Variants in GPM6A observed in about 807,000 individuals in gnomAD.
GPM6A encodes glycoprotein M6A, also known as neuronal membrane glycoprotein M6-a.
A neutral mutation model predicts 32.1 loss-of-function variants in GPM6A; 7 were observed. The ratio of observed to expected loss-of-function variants is 0.22; its 90% CI spans 0.12 to 0.41. The LOEUF (loss-of-function observed/expected upper bound fraction) is 0.41, where lower values mean the gene tolerates loss of function less well. GPM6A is among the 10% of genes least tolerant of loss of function. The probability of loss-of-function intolerance (pLI) is 1.00; values close to 1 mark genes in which losing one functional copy is unlikely to be tolerated. For missense variants in GPM6A, 235 were observed against 347.2 expected (o/e 0.68, Z 2.57); for synonymous variants, 130 against 123.4 (o/e 1.05, Z -0.35).
intron 1 of GPM6A, among the ~76,000 whole-genome samples, chr4:175,856,167 A>AAAATCACTGGGTAAAAAACTAAGAC (rs2111411120): frequency 6.6e-6 from 1 of 152,376 alleles, no homozygotes; most frequent in Non-Finnish European, 1.5e-5. Context: ...AAAACTAAGA[A>AAAATCACTGGGTAAAAAACTAAGAC]AAATCACTGG....
At chr4:175,696,884 A>T (rs1454958873) in intron 2 of GPM6A, among the ~76,000 whole-genome samples, 2 of 152,122 alleles carry the variant, frequency 1.3e-5, no homozygotes, top group Non-Finnish European at 2.9e-5. Context: ...TAGAGATATA[A>T]ACCCACCCGA....
At chr4:175,691,727 T>C (rs1009561064) in intron 2 of GPM6A, among the ~76,000 whole-genome samples, 2 of 152,212 alleles carry the variant, frequency 1.3e-5, no homozygotes, top group Non-Finnish European at 2.9e-5. Flanking sequence ...CCATAACCTG[T>C]AAATATGTCA....
At chr4:175,695,693 G>A (rs183402933) in intron 2 of GPM6A, among the ~76,000 whole-genome samples, 143 of 152,254 alleles carry the variant, frequency 9.4e-4, no homozygotes, top group Non-Finnish European at 1.5e-3. Flanking sequence ...TGAGACTTTG[G>A]ACTTTGGATT....
intron 1 of GPM6A, among the ~76,000 whole-genome samples, chr4:175,714,524 T>C (rs1275875331): frequency 2.6e-5 from 4 of 152,068 alleles, no homozygotes; most frequent in South Asian, 2.1e-4. Context: ...GTTGGGATTA[T>C]AGGGGAGAGC....
chr4:175,643,122 C>T (rs1487407338), intron 4 of GPM6A, among the ~76,000 whole-genome samples: 1 of 152,102 alleles, frequency 6.6e-6, no homozygotes, highest in East Asian at 1.9e-4. Flanking sequence ...ACCTCCCTTG[C>T]CATCTCCTCA....
chr4:175,771,358 G>A (rs1733180867), intron 1 of GPM6A, among the ~76,000 whole-genome samples: 1 of 152,006 alleles, frequency 6.6e-6, no homozygotes, highest in Admixed American at 6.6e-5. Context: ...GGGATCATGA[G>A]GTCAAGAGAT....
intron 1 of GPM6A, among the ~76,000 whole-genome samples, chr4:175,989,261 T>C (rs192517705): frequency 6.6e-6 from 1 of 152,314 alleles, no homozygotes; most frequent in Admixed American, 6.5e-5. Flanking sequence ...AATCAGTCCT[T>C]GATGTAAAAG....
At chr4:175,872,971 T>C (rs1012712931) in intron 1 of GPM6A, among the ~76,000 whole-genome samples, 1 of 152,158 alleles carries the variant, frequency 6.6e-6, no homozygotes, top group African/African-American at 2.4e-5. Flanking sequence ...AATTGTTCAC[T>C]GGGCAAGTAG....
chr4:175,984,365 G>A (rs753892033), intron 1 of GPM6A, among the ~76,000 whole-genome samples: 50 of 151,862 alleles, frequency 3.3e-4, no homozygotes, highest in Non-Finnish European at 5.6e-4. Context: ...AGGTTTCACC[G>A]TGTCAGCCAG....
intron 1 of GPM6A, among the ~76,000 whole-genome samples, chr4:175,932,562 A>AAAGGC (rs1739087109): frequency 6.6e-6 from 1 of 152,244 alleles, no homozygotes; most frequent in Non-Finnish European, 1.5e-5. Context: ...ACAATATCTT[A>AAAGGC]AAGGCATTTT....
At chr4:175,933,646 C>A (rs1319505552) in intron 1 of GPM6A, among the ~76,000 whole-genome samples, 1 of 152,130 alleles carries the variant, frequency 6.6e-6, no homozygotes, top group Admixed American at 6.5e-5. Flanking sequence ...GAGTTCATGC[C>A]ATTCTTCTGC....
At chr4:175,873,561 T>G (rs1736983137) in intron 1 of GPM6A, among the ~76,000 whole-genome samples, 1 of 152,150 alleles carries the variant, frequency 6.6e-6, no homozygotes, top group Non-Finnish European at 1.5e-5. Flanking sequence ...ATCAAAGATT[T>G]AAAAGACTGG....
intron 1 of GPM6A, among the ~76,000 whole-genome samples, chr4:175,705,287 CAT>C (rs1745111457): frequency 6.6e-6 from 1 of 152,156 alleles, no homozygotes; most frequent in South Asian, 2.1e-4. Context: ...CTCTCAGAAT[CAT>C]ATTACCTTTA....
At chr4:175,749,078 A>G (rs1732216874) in intron 1 of GPM6A, among the ~76,000 whole-genome samples, 1 of 152,168 alleles carries the variant, frequency 6.6e-6, no homozygotes, top group South Asian at 2.1e-4. Flanking sequence ...GTTGGATAGG[A>G]AAATGGCTGA....
chr4:175,886,832 G>C (rs143138244), intron 1 of GPM6A, among the ~76,000 whole-genome samples: 1,746 of 151,584 alleles, frequency 0.012, 20 homozygotes, highest in Middle Eastern at 0.048. Flanking sequence ...GATTAAACTT[G>C]CTTCTAATTG....
rs568319130 is a variant in GPM6A at position 175,655,421 on chromosome 4, G to A, written c.388-3434C>T. Reference sequence around the variant, plus strand: ...TCAAATTGATTATGCGTAATCCTACGTAGAAAATCTTTTTATGTAATAAAT... The same window carrying A: ...TCAAATTGATTATGCGTAATCCTACATAGAAAATCTTTTTATGTAATAAAT... On this transcript the variant is annotated intron_variant, in intron 3 of 6. Transcript: ENST00000393658. 1.1e-4 allele frequency among the ~76,000 whole-genome samples: 16 copies of A among 151,918 alleles called. 1 individual carries two copies. Among genetic ancestry groups the A allele is most frequent in the African/African-American group, 1.9e-4 (8 of 41,482 alleles).
chr4:175,864,945 G>A (rs1333641445), intron 1 of GPM6A, among the ~76,000 whole-genome samples: 2 of 151,818 alleles, frequency 1.3e-5, no homozygotes, highest in Non-Finnish European at 2.9e-5. Flanking sequence ...AGCTGCAGCT[G>A]GGATTACAGG....
chr4:175,806,600 T>C (rs561731177), intron 1 of GPM6A, among the ~76,000 whole-genome samples: 1 of 152,364 alleles, frequency 6.6e-6, no homozygotes, highest in South Asian at 2.1e-4. Context: ...TAAAATGTTA[T>C]ATCTAAACCA....
chr4:175,872,571 G>C (rs1736945537), intron 1 of GPM6A: 1 of 152,150 alleles, frequency 6.6e-6, no homozygotes. Context: ...TTGAGAATTA[G>C]AAGAAACATT....
Sources: gnomAD v4.1 joint callset for allele counts (sites outside exome capture counted in the v4.1 genomes callset) on GRCh38, gnomAD v4.1.1 for gene constraint, MANE v1.5 for transcripts, NCBI Gene and HGNC (gene_info 2026-07-23, HGNC 2026-07-21) for gene names.